RAB27B: variants seen among roughly 807,000 people sequenced by gnomAD.
RAB27B encodes ras-related protein Rab-27B.
Under a neutral mutation model 24.6 loss-of-function variants are expected in RAB27B, and 15 were observed. The observed-to-expected ratio is 0.61, with a 90% CI of 0.41 to 0.94. The LOEUF (loss-of-function observed/expected upper bound fraction) is 0.94, where lower values mean the gene tolerates loss of function less well. Among genes scored for constraint, RAB27B ranks in the 40% least tolerant of loss-of-function variants. RAB27B has a pLI of 0.00. For synonymous variants in RAB27B, 105 were observed against 92.5 expected (o/e 1.14, Z -0.78); for missense variants, 261 against 266.8 (o/e 0.98, Z 0.15).
In RAB27B at chr18:54,879,372, T is replaced by G. The variant is rs781592469; in HGVS notation, c.157T>G (p.Tyr53Asp). ...TAATGAACGTTGTATCTTTCAGGTTTATAATGCACAAGGACCGAATGGATC... is the reference window on the plus strand; with the variant it reads ...TAATGAACGTTGTATCTTTCAGGTTGATAATGCACAAGGACCGAATGGATC... The part of the protein sequence containing the change: ...GIDFREKRVV[Y>D]NAQGPNGSSG... The change falls in exon 3 of 6, where the codon TAT becomes GAT. Residue 53 changes from tyrosine (Y) to aspartate (D), a missense_variant. Physicochemically the swap from Tyr to Asp is radical, Grantham distance 160. Transcript: ENST00000262094. The G allele has an allele frequency of 3.7e-6, 6 of 1,610,632 alleles. No individual in the cohort carries two copies. Among genetic ancestry groups the G allele is most frequent in the Non-Finnish European group, 5.1e-6 (6 of 1,176,948 alleles).
intron 1 of RAB27B, among the ~76,000 whole-genome samples, chr18:54,850,019 T>C (rs1911496403): frequency 6.6e-6 from 1 of 151,950 alleles, no homozygotes; most frequent in South Asian, 2.1e-4. Context: ...AAAATTCCTC[T>C]TCACACATAA....
intron 2 of RAB27B, among the ~76,000 whole-genome samples, chr18:54,738,788 T>A (rs1338290560): frequency 6.6e-6 from 1 of 152,224 alleles, no homozygotes; most frequent in African/African-American, 2.4e-5. Flanking sequence ...CTTACTTGAA[T>A]GTTTTTCATG....
chr18:54,760,995 CTTTT>C (rs199850716), intron 2 of RAB27B, among the ~76,000 whole-genome samples: 1 of 145,888 alleles, frequency 6.9e-6, no homozygotes, highest in Non-Finnish European at 1.5e-5. Context: ...GAGAGGTATT[CTTTT>C]TTTTTTTTTT....
chr18:54,842,771 T>A (rs1019791981), intron 1 of RAB27B, among the ~76,000 whole-genome samples: 2 of 152,140 alleles, frequency 1.3e-5, no homozygotes, highest in African/African-American at 4.8e-5. Context: ...GACAAAAGTA[T>A]TTGTTGCAAG....
chr18:54,889,199 A>G (rs1049484256), intron 5 of RAB27B, 25 bp from the exon 6 acceptor site: 2 of 1,582,518 alleles, frequency 1.3e-6, no homozygotes, highest in Non-Finnish European at 1.7e-6. Context: ...CCTCTCAAAA[A>G]TATTTGCCAT....
At chr18:54,809,785 A>G (rs558290545) in intron 2 of RAB27B, among the ~76,000 whole-genome samples, 3 of 152,326 alleles carry the variant, frequency 2.0e-5, no homozygotes, top group African/African-American at 4.8e-5. Context: ...AAAATTAAGT[A>G]TGGATGTTGT....
chr18:54,784,169 G>A (rs1909007007), intron 2 of RAB27B, among the ~76,000 whole-genome samples: 1 of 152,122 alleles, frequency 6.6e-6, no homozygotes, highest in Non-Finnish European at 1.5e-5. Flanking sequence ...AGAGTGACAG[G>A]GAATGAAGGA....
chr18:54,747,793 T>C (rs1302535058), intron 2 of RAB27B, among the ~76,000 whole-genome samples: 1 of 152,310 alleles, frequency 6.6e-6, no homozygotes, highest in South Asian at 2.1e-4. Flanking sequence ...CTCATAAAGA[T>C]TTTGTGCATA....
chr18:54,883,259 T>C (rs1203201032), intron 3 of RAB27B, among the ~76,000 whole-genome samples: 6 of 152,048 alleles, frequency 3.9e-5, no homozygotes, highest in Non-Finnish European at 8.8e-5. Flanking sequence ...ATTTTGGGCT[T>C]CTCAACACAC....
intron 2 of RAB27B, among the ~76,000 whole-genome samples, chr18:54,792,395 TAAAA>T (rs376849639): frequency 6.6e-6 from 1 of 152,004 alleles, no homozygotes; most frequent in Non-Finnish European, 1.5e-5. Context: ...GATCCTATCT[TAAAA>T]AAAATCAGAC....
intron 2 of RAB27B, among the ~76,000 whole-genome samples, chr18:54,799,759 A>G (rs1909542250): frequency 6.6e-6 from 1 of 151,184 alleles, no homozygotes; most frequent in Non-Finnish European, 1.5e-5. Context: ...CCTCCTGAGT[A>G]GATGGGATTA....
Position 54,838,154 on chromosome 18 carries a change from C to T in RAB27B, c.-20+9454C>T, listed in dbSNP as rs142879844. On this transcript the variant is annotated intron_variant, in intron 1 of 5. Transcript: ENST00000262094. Reference sequence around the variant, plus strand: ...CTCTGCTGTCACTAAATTGATAACACTTTTATCCTCAAGATCTACTTACCA... The same window carrying T: ...CTCTGCTGTCACTAAATTGATAACATTTTTATCCTCAAGATCTACTTACCA... Among the ~76,000 whole-genome samples, 255 of 152,238 alleles carry T rather than the reference C, an allele frequency of 1.7e-3. 2 individuals carry two copies. Among genetic ancestry groups the T allele is most frequent in the Non-Finnish European group, 1.6e-3 (107 of 67,974 alleles).
intron 2 of RAB27B, among the ~76,000 whole-genome samples, chr18:54,739,831 C>T (rs1014572097): frequency 1.3e-5 from 2 of 152,106 alleles, no homozygotes; most frequent in Non-Finnish European, 2.9e-5. Flanking sequence ...GTAGTGGTAT[C>T]TCACTGTGAT....
At chr18:54,820,050 T>C (rs1910255572) in intron 2 of RAB27B, among the ~76,000 whole-genome samples, 1 of 152,136 alleles carries the variant, frequency 6.6e-6, no homozygotes, top group African/African-American at 2.4e-5. Flanking sequence ...TCCAAGACTT[T>C]GCTGTTGTGA....
chr18:54,830,241 G>A (rs766339048), intron 1 of RAB27B, among the ~76,000 whole-genome samples: 1 of 152,116 alleles, frequency 6.6e-6, no homozygotes, highest in Non-Finnish European at 1.5e-5. Flanking sequence ...ACTGTATGTT[G>A]GTTTCAGAAT....
intron 2 of RAB27B, among the ~76,000 whole-genome samples, chr18:54,816,862 CATAAT>C (rs778404910): frequency 1.3e-5 from 2 of 152,068 alleles, no homozygotes; most frequent in Non-Finnish European, 2.9e-5. Context: ...GACATAAAGT[CATAAT>C]ATAATGACTA....
intron 2 of RAB27B, among the ~76,000 whole-genome samples, chr18:54,823,221 T>C (rs1237827340): frequency 6.6e-6 from 1 of 152,242 alleles, no homozygotes; most frequent in East Asian, 1.9e-4. Flanking sequence ...GGAAGTCCAG[T>C]CTTATGACTT....
intron 2 of RAB27B, among the ~76,000 whole-genome samples, chr18:54,768,231 G>A (rs1200494709): frequency 1.3e-5 from 2 of 152,070 alleles, no homozygotes; most frequent in Non-Finnish European, 2.9e-5. Context: ...AGAATGAGGT[G>A]TGTTACGGGA....
intron 1 of RAB27B, among the ~76,000 whole-genome samples, chr18:54,850,695 T>A (rs1476850197): frequency 6.6e-6 from 1 of 151,710 alleles, no homozygotes; most frequent in South Asian, 2.1e-4. Flanking sequence ...CAGTGTGTCA[T>A]GTTTCATAGC....
Sources: gnomAD v4.1 joint callset for allele counts (sites outside exome capture counted in the v4.1 genomes callset) on GRCh38, gnomAD v4.1.1 for gene constraint, MANE v1.5 for transcripts, NCBI Gene and HGNC (gene_info 2026-07-23, HGNC 2026-07-21) for gene names.